NLGN1: variants seen among roughly 807,000 people sequenced by gnomAD.
NLGN1 encodes neuroligin-1.
In NLGN1, 12 loss-of-function variants were observed where a neutral mutation model predicts 65.5. The observed-to-expected ratio is 0.18, with a 90% CI of 0.12 to 0.30. The LOEUF (loss-of-function observed/expected upper bound fraction) is 0.30, where lower values mean the gene tolerates loss of function less well. Ranked by LOEUF, NLGN1 falls within the 10% of genes least tolerant of loss-of-function variation. The probability of loss-of-function intolerance (pLI) is 1.00; values close to 1 mark genes in which losing one functional copy is unlikely to be tolerated. For missense variants in NLGN1, 750 were observed against 1,007.1 expected (o/e 0.74, Z 3.46); for synonymous variants, 350 against 359.5 (o/e 0.97, Z 0.30).
chr3:173,849,639 G>A (rs1027971063), intron 4 of NLGN1, among the ~76,000 whole-genome samples: 1 of 152,124 alleles, frequency 6.6e-6, no homozygotes, highest in Non-Finnish European at 1.5e-5. Context: ...CTTGTCCCTG[G>A]TCAAGGACTA....
chr3:173,594,325 A>G (rs1035120756), intron 2 of NLGN1, among the ~76,000 whole-genome samples: 3 of 152,226 alleles, frequency 2.0e-5, no homozygotes, highest in Non-Finnish European at 2.9e-5. Context: ...TGGCCAAAAC[A>G]GAGGGGCTAC....
intron 4 of NLGN1, among the ~76,000 whole-genome samples, chr3:173,895,292 A>G (rs1040220005): frequency 8.5e-5 from 13 of 152,234 alleles, no homozygotes; most frequent in Middle Eastern, 3.4e-3. Context: ...TATGCAAGGT[A>G]ATATAGTCAC....
chr3:173,766,856 A>G (rs1215855030), intron 3 of NLGN1, among the ~76,000 whole-genome samples: 3 of 152,214 alleles, frequency 2.0e-5, no homozygotes, highest in Non-Finnish European at 4.4e-5. Flanking sequence ...TATGGCTGTC[A>G]TCTTATACAG....
intron 4 of NLGN1, among the ~76,000 whole-genome samples, chr3:174,152,407 A>G (rs933551082): frequency 1.3e-5 from 2 of 152,098 alleles, no homozygotes; most frequent in African/African-American, 4.8e-5. Context: ...CAAAAAAACA[A>G]ACACCGCATG....
At chr3:173,902,339 C>T (rs1017406718) in intron 4 of NLGN1, among the ~76,000 whole-genome samples, 2 of 152,084 alleles carry the variant, frequency 1.3e-5, no homozygotes, top group East Asian at 1.9e-4. Context: ...CTTACTTCCT[C>T]AACTGGTGAG....
chr3:174,265,568 C>T (rs1383110303), intron 4 of NLGN1, among the ~76,000 whole-genome samples: 4 of 151,814 alleles, frequency 2.6e-5, no homozygotes, highest in Non-Finnish European at 4.4e-5. Flanking sequence ...CACTGACCTG[C>T]GCCCACTGTC....
At chr3:174,072,298 A>G (rs1038799609) in intron 4 of NLGN1, among the ~76,000 whole-genome samples, 4 of 152,156 alleles carry the variant, frequency 2.6e-5, no homozygotes, top group Non-Finnish European at 5.9e-5. Context: ...AGGAGAGACT[A>G]TGTCCTTGGG....
intron 3 of NLGN1, among the ~76,000 whole-genome samples, chr3:173,753,947 A>AATATG (rs1776680705): frequency 9.9e-6 from 1 of 101,446 alleles, no homozygotes; most frequent in African/African-American, 2.7e-5. Flanking sequence ...ATATAATAAT[A>AATATG]ATATAATATA....
At chr3:173,453,237 A>G (rs1721937558) in intron 2 of NLGN1, among the ~76,000 whole-genome samples, 1 of 151,712 alleles carries the variant, frequency 6.6e-6, no homozygotes, top group Admixed American at 6.6e-5. Flanking sequence ...ACAGGTGTAT[A>G]CCAATACACC....
At chr3:173,753,985 TTTC>T (rs1452293624) in intron 3 of NLGN1, among the ~76,000 whole-genome samples, 4 of 99,016 alleles carry the variant, frequency 4.0e-5, no homozygotes, top group African/African-American at 1.8e-4. Flanking sequence ...ATCTACTCAG[TTTC>T]TTCAAGTACT....
rs190599356 is a variant in NLGN1 at position 174,154,614 on chromosome 3, A to G, written c.647-120701A>G. On this transcript the variant is annotated intron_variant, in intron 4 of 6. Coordinates refer to ENST00000457714, the Ensembl canonical transcript of NLGN1. The stretch of plus-strand genomic sequence containing the variant: ...ACTTTGTTTTGTCTCCAGGGCAGTC[A>G]TGACTTAATGAAGTACAGCTATAAG... 1.3e-4 allele frequency among the ~76,000 whole-genome samples: 20 copies of G among 152,092 alleles called. No individual in the cohort carries two copies. In the East Asian group the frequency reaches 3.3e-3, roughly 25 times the overall value.
exon 7 of NLGN1, chr3:174,281,267 T>C (rs2152895731): frequency 1.9e-6 from 3 of 1,596,566 alleles, no homozygotes; most frequent in Non-Finnish European, 1.7e-6. Flanking sequence ...CCCATCCCCA[T>C]CCCCACCCCC....
intron 4 of NLGN1, among the ~76,000 whole-genome samples, chr3:173,897,436 C>A (rs1353073470): frequency 6.6e-6 from 1 of 152,180 alleles, no homozygotes; most frequent in Non-Finnish European, 1.5e-5. Context: ...AACAAACAGC[C>A]TGCACTGATG....
At chr3:173,524,563 CTT>C (rs1735320418) in intron 2 of NLGN1, among the ~76,000 whole-genome samples, 1 of 152,200 alleles carries the variant, frequency 6.6e-6, no homozygotes, top group Non-Finnish European at 1.5e-5. Flanking sequence ...ATTTCTTTCT[CTT>C]GCCTGTTTGC....
chr3:173,992,883 C>T (rs998631076), intron 4 of NLGN1, among the ~76,000 whole-genome samples: 2 of 152,068 alleles, frequency 1.3e-5, no homozygotes, highest in Non-Finnish European at 2.9e-5. Flanking sequence ...AAAAGATTTC[C>T]GTTTACAACA....
intron 2 of NLGN1, among the ~76,000 whole-genome samples, chr3:173,469,525 T>C (rs1724964026): frequency 6.6e-6 from 1 of 152,048 alleles, no homozygotes; most frequent in Admixed American, 6.6e-5. Flanking sequence ...ATGCCAGCAA[T>C]CTTTACGATT....
At chr3:173,860,304 T>C (rs1291185262) in intron 4 of NLGN1, among the ~76,000 whole-genome samples, 3 of 152,174 alleles carry the variant, frequency 2.0e-5, no homozygotes, top group African/African-American at 7.2e-5. Context: ...TTATTGTGTC[T>C]TATTTGACCC....
intron 2 of NLGN1, among the ~76,000 whole-genome samples, chr3:173,511,620 G>T (rs1732991352): frequency 6.6e-6 from 1 of 151,756 alleles, no homozygotes; most frequent in African/African-American, 2.4e-5. Context: ...ACCTTTTTTG[G>T]TTATTCTACA....
intron 4 of NLGN1, among the ~76,000 whole-genome samples, chr3:174,067,353 AC>A (rs1322286686): frequency 4.6e-5 from 7 of 152,164 alleles, no homozygotes; most frequent in African/African-American, 9.7e-5. Context: ...AACTGTAATA[AC>A]TTTTATTTCT....
Sources: allele counts gnomAD v4.1 joint callset (sites outside exome capture counted in the v4.1 genomes callset), GRCh38; gene constraint gnomAD v4.1.1; transcripts MANE v1.5; gene names NCBI Gene and HGNC (gene_info 2026-07-23, HGNC 2026-07-21).